EFCAB13: variants seen among roughly 807,000 people sequenced by gnomAD.
The protein encoded by EFCAB13 is EF-hand calcium-binding domain-containing protein 13.
In EFCAB13, 91 loss-of-function variants were observed where a neutral mutation model predicts 110.2. The observed-to-expected ratio is 0.83, with a 90% confidence interval of 0.70 to 0.98. The LOEUF is 0.98. Ranked by LOEUF, EFCAB13 falls within the 50% of genes least tolerant of loss-of-function variation. The pLI is 0.00. For missense variants in EFCAB13, 968 were observed against 1,119.4 expected, an observed-to-expected ratio of 0.86 and a Z score of 1.93; for synonymous variants, 323 against 369.9, an observed-to-expected ratio of 0.87 and a Z score of 1.45.
chr17:47,325,925 T>TATATATATG (rs1232655221), intron 2 of EFCAB13, among the ~76,000 whole-genome samples: 1 of 19,678 alleles, frequency 5.1e-5, no homozygotes, highest in Admixed American at 6.8e-4. Context: ...ATAAACAAAA[T>TATATATATG]ATATATATAT....
At chr17:47,398,780 CT>C (rs2065762554) in intron 17 of EFCAB13, among the ~76,000 whole-genome samples, 1 of 151,214 alleles carries the variant, frequency 6.6e-6, no homozygotes, top group Admixed American at 6.6e-5. Context: ...ATCTGCTGAC[CT>C]TGCCTCCACT....
chr17:47,329,108 C>T (rs952905780), intron 4 of EFCAB13: 6 of 152,006 alleles, frequency 3.9e-5, no homozygotes, highest in Non-Finnish European at 5.9e-5. Flanking sequence ...ATCATGAAGT[C>T]AGTCTATTAT....
Position 47,403,860 on chromosome 17 carries a change from C to G in EFCAB13, c.2018-18C>G. On this transcript the variant is annotated intron_variant, in intron 18 of 24. Transcript: ENST00000331493. ...ATGGCTACTGCTTTTTATTAATTAA[C>G]TTTTTTTCTATTTATAGAGTTACAG... 1 of 1,576,180 alleles carries G rather than the reference C, an allele frequency of 6.3e-7. No homozygotes were observed.
chr17:47,342,738 A>G (rs1353699416), intron 6 of EFCAB13, among the ~76,000 whole-genome samples: 2 of 151,934 alleles, frequency 1.3e-5, no homozygotes, highest in Non-Finnish European at 2.9e-5. Context: ...GTCCCTTTGT[A>G]TCTTCTGTTA....
intron 17 of EFCAB13, among the ~76,000 whole-genome samples, chr17:47,399,274 A>T (rs1006224138): frequency 6.6e-6 from 1 of 152,220 alleles, no homozygotes; most frequent in Non-Finnish European, 1.5e-5. Flanking sequence ...AGATTTTACA[A>T]TTTAAGCCTA....
At chr17:47,419,433 A>G (rs1227906289) in intron 23 of EFCAB13, among the ~76,000 whole-genome samples, 1 of 152,162 alleles carries the variant, frequency 6.6e-6, no homozygotes, top group Admixed American at 6.5e-5. Context: ...AAATTTAAAA[A>G]TAAGCCAGGT....
chr17:47,425,650 G>A lies in EFCAB13; in HGVS notation c.2495-4168G>A, dbSNP rs554660592. On this transcript the variant is annotated intron_variant, in intron 23 of 24. Coordinates refer to ENST00000331493, the MANE Select transcript of EFCAB13 (RefSeq NM_152347.5). ...TGGCCTGGGAAGTCACAGAAGATAA[G>A]GAGTAGGTACCTTGAAGACACAGAT... Among the ~76,000 whole-genome samples the A allele has an allele frequency of 2.7e-4, 41 of 152,278 alleles. 1 individual carries two copies. The South Asian group carries it at 8.5e-3, about 32-fold the overall frequency.
rs981465885 is a variant in EFCAB13 at position 47,432,031 on chromosome 17, G to A, written c.2638+2070G>A. On this transcript the variant is annotated intron_variant, in intron 24 of 24. Coordinates refer to ENST00000331493, the MANE Select transcript of EFCAB13 (RefSeq NM_152347.5). ...AGCACTTTGGAAGGCTGAGGCAGGC[G>A]GATCACTTGAGCTCAAGAGTTCGAG... Among the ~76,000 whole-genome samples the A allele has an allele frequency of 3.9e-5, 6 of 152,092 alleles. No homozygotes were observed. The East Asian group carries it at 5.8e-4, about 15-fold the overall frequency.
intron 4 of EFCAB13, among the ~76,000 whole-genome samples, chr17:47,329,557 G>T (rs2065307665): frequency 6.6e-6 from 1 of 151,750 alleles, no homozygotes; most frequent in Non-Finnish European, 1.5e-5. Flanking sequence ...TGTTGATTTT[G>T]CCCTTATAAA....
At chr17:47,345,336 A>G (rs2065409149) in intron 8 of EFCAB13, among the ~76,000 whole-genome samples, 1 of 152,126 alleles carries the variant, frequency 6.6e-6, no homozygotes, top group African/African-American at 2.4e-5. Flanking sequence ...ATACTAGTTC[A>G]AATGTATTTT....
chr17:47,334,311 C>CT (rs1218954016), intron 4 of EFCAB13, among the ~76,000 whole-genome samples: 2 of 151,920 alleles, frequency 1.3e-5, no homozygotes, highest in Non-Finnish European at 2.9e-5. Context: ...AAATTGAGTT[C>CT]TTTTTTATTA....
At chr17:47,376,753 A>T (rs193208627) in intron 12 of EFCAB13, among the ~76,000 whole-genome samples, 58 of 152,262 alleles carry the variant, frequency 3.8e-4, no homozygotes, top group African/African-American at 1.4e-3. Flanking sequence ...CAATTCCAGG[A>T]TCTAATCCAG....
chr17:47,411,015 A>G (rs566886336), intron 21 of EFCAB13, among the ~76,000 whole-genome samples: 14 of 152,280 alleles, frequency 9.2e-5, no homozygotes, highest in African/African-American at 3.1e-4. Context: ...GGGCCAAGGA[A>G]TATGTCTCCT....
At chr17:47,367,379 C>T (rs1055841562) in intron 10 of EFCAB13, among the ~76,000 whole-genome samples, 14 of 152,172 alleles carry the variant, frequency 9.2e-5, no homozygotes, top group African/African-American at 3.4e-4. Flanking sequence ...ATTTGCTTCT[C>T]GTGGCGGCAA....
At chr17:47,417,402 T>G (rs1434443575) in intron 23 of EFCAB13, among the ~76,000 whole-genome samples, 1 of 152,242 alleles carries the variant, frequency 6.6e-6, no homozygotes, top group Non-Finnish European at 1.5e-5. Flanking sequence ...GATACCAATC[T>G]TTCACTGTTT....
At chr17:47,402,034 TAGG>T (rs1456470774) in intron 17 of EFCAB13, 95 bp from the exon 18 acceptor site, 1 of 836,496 alleles carries the variant, frequency 1.2e-6, no homozygotes, top group Non-Finnish European at 2.1e-6. Context: ...ATATGATTCT[TAGG>T]AGTGCATCAA....
In EFCAB13 at chr17:47,400,611, CTCCCT is replaced by C. The variant is rs551426150; in HGVS notation, c.1946-1506_1946-1502del. Among the ~76,000 whole-genome samples the C allele has an allele frequency of 2.9e-3, 447 of 151,748 alleles. 2 individuals carry two copies. Among genetic ancestry groups the C allele is most frequent in the Admixed American group, 4.9e-3 (75 of 15,226 alleles). On this transcript the variant is annotated intron_variant, in intron 17 of 24. Coordinates refer to ENST00000331493, the MANE Select transcript of EFCAB13 (RefSeq NM_152347.5). ...CCTCCTTGCCTCCTTGCCTCTCTCCCTCCCTTCCCTTCCCTTCCCACTCTCCCTCC... is the reference window on the plus strand; with the variant it reads ...CCTCCTTGCCTCCTTGCCTCTCTCCCTCCCTTCCCTTCCCACTCTCCCTCC...
intron 23 of EFCAB13, chr17:47,423,308 T>G: frequency 6.6e-6 from 1 of 152,396 alleles, no homozygotes; most frequent in Non-Finnish European, 1.5e-5. Flanking sequence ...TGAAGGGGCA[T>G]TTTGTTGGCT....
rs796998656 is a variant in EFCAB13, at chr17:47,361,282, A to G, written c.662-96A>G. On this transcript the variant is annotated intron_variant, in intron 9 of 24. Coordinates refer to ENST00000331493, the MANE Select transcript of EFCAB13 (RefSeq NM_152347.5). ...TATTTATAAAACCCTGTGCTTATACAAAGTTATTTTCCCTTAGTAGGCTAT... is the reference window on the plus strand; with the variant it reads ...TATTTATAAAACCCTGTGCTTATACGAAGTTATTTTCCCTTAGTAGGCTAT... 1.1e-5 allele frequency: 12 copies of G among 1,131,366 alleles called. No homozygotes were observed. The African/African-American group carries it at 1.9e-4, about 18-fold the overall frequency. 70.1% of individuals were successfully genotyped at this position (1,131,366 alleles called of 1,614,324 possible). A position where few individuals can be genotyped will look rare whatever the true frequency, so the allele number is the denominator to read the frequency against.
Sources: allele counts gnomAD v4.1 joint callset (sites outside exome capture counted in the v4.1 genomes callset), GRCh38; gene constraint gnomAD v4.1.1; transcripts MANE v1.5; gene names NCBI Gene and HGNC (gene_info 2026-07-23, HGNC 2026-07-21).